CDH20: variants seen among roughly 807,000 people sequenced by gnomAD.
The protein encoded by CDH20 is cadherin-20.
CDH20 carries 29 observed loss-of-function variants against 74.2 expected under a neutral mutation model. The observed-to-expected ratio is 0.39, with a 90% CI of 0.29 to 0.53. The LOEUF (loss-of-function observed/expected upper bound fraction) is 0.53. Ranked by LOEUF, CDH20 falls within the 20% of genes least tolerant of loss-of-function variation. The probability of loss-of-function intolerance (pLI) is 0.69; values close to 1 mark genes in which losing one functional copy is unlikely to be tolerated. For missense variants in CDH20, 988 were observed against 1,048.3 expected (o/e 0.94, Z 0.79); for synonymous variants, 469 against 405.4 (o/e 1.16, Z -1.88).
intron 1 of CDH20, among the ~76,000 whole-genome samples, chr18:61,387,721 T>C (rs1320707013): frequency 1.3e-5 from 2 of 152,214 alleles, no homozygotes; most frequent in Non-Finnish European, 2.9e-5. Flanking sequence ...AACTGCACTG[T>C]ACATCAAGAG....
chr18:61,334,231 C>T (rs550822803), intron 1 of CDH20: 2 of 152,230 alleles, frequency 1.3e-5, no homozygotes, highest in African/African-American at 4.8e-5. Flanking sequence ...GCGCCTCCCT[C>T]CGCCTGCAGA....
At chr18:61,464,439 C>T (rs188184814) in intron 1 of CDH20, among the ~76,000 whole-genome samples, 1 of 152,304 alleles carries the variant, frequency 6.6e-6, no homozygotes, top group African/African-American at 2.4e-5. Context: ...ACAACACTCC[C>T]TCCCTTTGTC....
intron 1 of CDH20, among the ~76,000 whole-genome samples, chr18:61,359,867 C>T (rs1252114058): frequency 6.6e-6 from 1 of 152,136 alleles, no homozygotes; most frequent in Non-Finnish European, 1.5e-5. Context: ...GCTGGGCTGG[C>T]GTTCTGATTT....
intron 1 of CDH20, among the ~76,000 whole-genome samples, chr18:61,385,797 G>A (rs1305438750): frequency 6.6e-6 from 1 of 151,974 alleles, no homozygotes; most frequent in Non-Finnish European, 1.5e-5. Flanking sequence ...AGGTGTGGTG[G>A]CACGTGCTTG....
In CDH20 at chr18:61,554,222, C is replaced by A; in HGVS notation, c.1933C>A (p.His645Asn). The change falls in exon 12 of 12, where the codon CAC (histidine) becomes AAC (asparagine). Residue 645 changes from histidine to asparagine, a missense_variant. Coordinates refer to ENST00000262717, the MANE Select transcript of CDH20 (RefSeq NM_031891.4). ...GTTGCTCATTTTGTCCATGAGGCGG[C>A]ACCGGAAACAACCATACATCATCGA... ...LVLLILSMRR[H>N]RKQPYIIDDE... is the part of the protein sequence containing the mutation. The A allele has an allele frequency of 1.2e-6, 2 of 1,613,124 alleles. No individual in the cohort carries two copies. The highest frequency in any genetic ancestry group is 1.7e-6 in the Non-Finnish European group (2 of 1,179,266).
intron 6 of CDH20, among the ~76,000 whole-genome samples, chr18:61,523,618 A>C (rs1361021912): frequency 6.6e-6 from 1 of 152,196 alleles, no homozygotes; most frequent in East Asian, 1.9e-4. Flanking sequence ...ACACATGCAC[A>C]CGTATGTTTA....
intron 1 of CDH20, among the ~76,000 whole-genome samples, chr18:61,339,699 T>TTTTTTTTTTTTTTTTTA (rs1909878205): frequency 8.7e-6 from 1 of 114,832 alleles, no homozygotes. Context: ...TTTTTTTTTT[T>TTTTTTTTTTTTTTTTTA]TTTTTTGAGA....
chr18:61,382,131 C>A (rs547434687), intron 1 of CDH20, among the ~76,000 whole-genome samples: 1 of 152,258 alleles, frequency 6.6e-6, no homozygotes, highest in Admixed American at 6.5e-5. Flanking sequence ...TAACTCCAAT[C>A]CATCATTTCA....
intron 1 of CDH20, among the ~76,000 whole-genome samples, chr18:61,421,617 T>C (rs1331203459): frequency 6.6e-6 from 1 of 152,166 alleles, no homozygotes; most frequent in African/African-American, 2.4e-5. Context: ...CAATTATACA[T>C]CTCAAAGTAG....
intron 2 of CDH20, 118 bp from the exon 3 acceptor site, chr18:61,499,068 C>G (rs151023560): frequency 5.6e-5 from 42 of 754,394 alleles, no homozygotes; most frequent in Non-Finnish European, 8.1e-5. Flanking sequence ...ACTTATTAAA[C>G]ATTTGAAAAA....
At chr18:61,551,718 T>C (rs1336722377) in intron 11 of CDH20, among the ~76,000 whole-genome samples, 1 of 152,188 alleles carries the variant, frequency 6.6e-6, no homozygotes, top group African/African-American at 2.4e-5. Context: ...TTGGGAGTCC[T>C]TTAGCACAGA....
intron 1 of CDH20, among the ~76,000 whole-genome samples, chr18:61,347,317 TATACACACACACAC>T (rs1285433255): frequency 3.7e-4 from 26 of 69,660 alleles, no homozygotes; most frequent in African/African-American, 1.3e-3. Context: ...TATATATATA[TATACACACACACAC>T]ACACACACAC....
rs565010860 is a variant in CDH20 at position 61,507,175 on chromosome 18, A to G, written c.830-198A>G. 2.0e-5 allele frequency among the ~76,000 whole-genome samples: 3 copies of G among 152,288 alleles called. No individual in the cohort carries two copies. In the South Asian group the frequency reaches 6.2e-4, roughly 32 times the overall value. Reference sequence around the variant, plus strand: ...AGCCTTTTTGACTCCTCCTTATTGAACATCCAATACAGGCTATGGCCTGTA... The same window carrying G: ...AGCCTTTTTGACTCCTCCTTATTGAGCATCCAATACAGGCTATGGCCTGTA... On this transcript the variant is annotated intron_variant, in intron 5 of 11. Transcript: ENST00000262717.
At chr18:61,520,263 C>A (rs1912150579) in intron 6 of CDH20, among the ~76,000 whole-genome samples, 1 of 136,638 alleles carries the variant, frequency 7.3e-6, no homozygotes, top group African/African-American at 2.7e-5. Context: ...TTGCAGTGAG[C>A]CTAGATCGTG....
At chr18:61,401,259 C>A (rs1229401473) in intron 1 of CDH20, among the ~76,000 whole-genome samples, 1 of 152,144 alleles carries the variant, frequency 6.6e-6, no homozygotes, top group African/African-American at 2.4e-5. Flanking sequence ...AAATTCCCAA[C>A]CTATCCTTTG....
intron 10 of CDH20, among the ~76,000 whole-genome samples, chr18:61,546,011 T>C (rs1913234693): frequency 6.6e-6 from 1 of 152,054 alleles, no homozygotes; most frequent in South Asian, 2.1e-4. Context: ...AGCCAGATGA[T>C]TTGCTTCAAA....
At chr18:61,421,308 T>C in intron 1 of CDH20, among the ~76,000 whole-genome samples, 1 of 152,186 alleles carries the variant, frequency 6.6e-6, no homozygotes, top group Non-Finnish European at 1.5e-5. Context: ...TAGTGTAATC[T>C]AATCCATGGG....
intron 6 of CDH20, among the ~76,000 whole-genome samples, chr18:61,520,409 C>A (rs1249718880): frequency 6.6e-6 from 1 of 150,662 alleles, no homozygotes. Context: ...TATATATGCA[C>A]CCAATACAAG....
intron 1 of CDH20, among the ~76,000 whole-genome samples, chr18:61,361,286 C>T (rs1477634314): frequency 6.6e-6 from 1 of 152,200 alleles, no homozygotes; most frequent in African/African-American, 2.4e-5. Context: ...GATACCTTTG[C>T]TGTATGTGCT....
Sources: allele counts gnomAD v4.1 joint callset (sites outside exome capture counted in the v4.1 genomes callset), GRCh38; gene constraint gnomAD v4.1.1; transcripts MANE v1.5; gene names NCBI Gene and HGNC (gene_info 2026-07-23, HGNC 2026-07-21).